FNIP1: variants seen among roughly 807,000 people sequenced by gnomAD.
The protein encoded by FNIP1 is folliculin-interacting protein 1.
In FNIP1, 40 loss-of-function variants were observed where a neutral mutation model predicts 124.5. That is an observed-to-expected ratio of 0.32 (90% CI 0.25 to 0.42). The LOEUF (loss-of-function observed/expected upper bound fraction) is 0.42. Ranked by LOEUF, FNIP1 falls within the 10% of genes least tolerant of loss-of-function variation. FNIP1 has a pLI of 1.00. For missense variants in FNIP1, 1,176 were observed against 1,403.7 expected, an observed-to-expected ratio of 0.84 and a Z score of 2.59; for synonymous variants, 472 against 470.6, an observed-to-expected ratio of 1.00 and a Z score of -0.04.
chr5:131,710,501 CTT>C, intron 7 of FNIP1, 75 bp downstream of exon 7: 2 of 1,379,944 alleles, frequency 1.4e-6, no homozygotes, highest in Non-Finnish European at 1.0e-6. Context: ...CATCTACTCT[CTT>C]GTTTCCACAG....
chr5:131,652,681 C>T (rs1220041387), intron 15 of FNIP1, among the ~76,000 whole-genome samples: 1 of 152,112 alleles, frequency 6.6e-6, no homozygotes, highest in African/African-American at 2.4e-5. Context: ...CAGGACAGGA[C>T]AGATGACATG....
chr5:131,771,320 C>G (rs1771625750), intron 1 of FNIP1, among the ~76,000 whole-genome samples: 1 of 152,182 alleles, frequency 6.6e-6, no homozygotes, highest in East Asian at 1.9e-4. Flanking sequence ...ATTGTATATC[C>G]TTTCCTCCAA....
Position 131,704,222 on chromosome 5 carries a change from G to A in FNIP1, c.959C>T (p.Pro320Leu). 1 of 1,613,452 alleles carries A rather than the reference G, an allele frequency of 6.2e-7. No individual in the cohort carries two copies. The highest frequency in any genetic ancestry group is 1.3e-5 in the African/African-American group (1 of 75,024). Residue 320 changes from proline to leucine, a missense_variant, in exon 10 of 18, where the codon CCT becomes CTT. Pro to Leu is a moderately conservative substitution (Grantham distance 98). Coordinates refer to ENST00000510461, the MANE Select transcript of FNIP1 (RefSeq NM_133372.3). Reference protein sequence around the residue: ...SFNLSDESCGPNPGIVRKKKI... With the variant: ...SFNLSDESCGLNPGIVRKKKI... ...CTTTTTCCGCACAATTCCTGGGTTA[G>A]GGCCACAGCTTTCATCTGAGAGATT...
chr5:131,711,746 T>G (rs894873015), intron 6 of FNIP1, among the ~76,000 whole-genome samples: 8 of 152,194 alleles, frequency 5.3e-5, no homozygotes, highest in African/African-American at 1.9e-4. Context: ...TCCTCCTGCT[T>G]TGGCCTCCTA....
At chr5:131,714,261 T>C (rs1391812741) in intron 6 of FNIP1, among the ~76,000 whole-genome samples, 1 of 152,130 alleles carries the variant, frequency 6.6e-6, no homozygotes, top group Non-Finnish European at 1.5e-5. Context: ...CTGAGACACT[T>C]CCAGTCAACA....
At chr5:131,789,376 CAT>C (rs1283262780) in intron 1 of FNIP1, among the ~76,000 whole-genome samples, 1 of 152,102 alleles carries the variant, frequency 6.6e-6, no homozygotes, top group Admixed American at 6.6e-5. Context: ...ACTTCTGAAA[CAT>C]GATTCTTATA....
chr5:131,754,015 T>A (rs969031068), intron 1 of FNIP1, among the ~76,000 whole-genome samples: 1 of 152,192 alleles, frequency 6.6e-6, no homozygotes. Context: ...GGTTTCACCA[T>A]GTTGGCCAGG....
rs201937963 is a variant in FNIP1, at chr5:131,682,996, C to T, written c.1203-3821G>A. 1.2e-4 allele frequency among the ~76,000 whole-genome samples: 18 copies of T among 152,302 alleles called. No homozygotes were observed. The East Asian group carries it at 3.5e-3, about 29-fold the overall frequency. ...CGTCTTTGTTAGGCAGCAATGTTAA[C>T]TAAACATGCTTCCTGCTTCTCTAGC... On this transcript the variant is annotated intron_variant, in intron 11 of 17. Transcript: ENST00000510461.
intron 3 of FNIP1, among the ~76,000 whole-genome samples, chr5:131,730,507 CAAG>C (rs914402787): frequency 1.3e-5 from 2 of 152,124 alleles, no homozygotes; most frequent in African/African-American, 4.8e-5. Flanking sequence ...CCATATTTTA[CAAG>C]AAGTCACATT....
intron 1 of FNIP1, among the ~76,000 whole-genome samples, chr5:131,770,459 A>G (rs1315198266): frequency 6.6e-6 from 1 of 152,180 alleles, no homozygotes; most frequent in East Asian, 1.9e-4. Context: ...CAAGGGGTGC[A>G]TCTGTGTATG....
At chr5:131,744,205 G>A in intron 2 of FNIP1, among the ~76,000 whole-genome samples, 1 of 151,468 alleles carries the variant, frequency 6.6e-6, no homozygotes, top group Non-Finnish European at 1.5e-5. Context: ...TTCAATAAAT[G>A]TTTGCTGAAA....
At chr5:131,739,298 T>C (rs1458439308) in intron 2 of FNIP1, among the ~76,000 whole-genome samples, 1 of 152,202 alleles carries the variant, frequency 6.6e-6, no homozygotes, top group African/African-American at 2.4e-5. Flanking sequence ...CCCAAGAGTT[T>C]GAGACCAGCC....
intron 3 of FNIP1, among the ~76,000 whole-genome samples, chr5:131,725,418 A>G (rs1291670): frequency 6.6e-6 from 1 of 152,140 alleles, no homozygotes. Flanking sequence ...TCCTTCACAT[A>G]CCTTGTAAGT....
chr5:131,757,002 G>A lies in FNIP1; in HGVS notation c.93-12312C>T, dbSNP rs146362051. Among the ~76,000 whole-genome samples the A allele has an allele frequency of 3.3e-5, 5 of 152,282 alleles. No individual in the cohort carries two copies. The East Asian group carries it at 9.6e-4, about 29-fold the overall frequency. Reference sequence around the variant, plus strand: ...CAATGGATTAAACAGTAGATTTTCTGAGCAGCCACAATGAAAAGGAGCAAG... The same window carrying A: ...CAATGGATTAAACAGTAGATTTTCTAAGCAGCCACAATGAAAAGGAGCAAG... On this transcript the variant is annotated intron_variant, in intron 1 of 17. Coordinates refer to ENST00000510461, the MANE Select transcript of FNIP1 (RefSeq NM_133372.3).
chr5:131,720,491 G>A (rs975626617), intron 3 of FNIP1, among the ~76,000 whole-genome samples: 2 of 152,054 alleles, frequency 1.3e-5, no homozygotes, highest in Non-Finnish European at 2.9e-5. Context: ...AAACAGACAA[G>A]TGGGACTACA....
intron 15 of FNIP1, among the ~76,000 whole-genome samples, chr5:131,657,831 G>C (rs1767253415): frequency 6.7e-6 from 1 of 150,066 alleles, no homozygotes; most frequent in Non-Finnish European, 1.5e-5. Context: ...ACAAGGTCAG[G>C]AGATTGAGAC....
chr5:131,702,824 C>T (rs562140624), intron 10 of FNIP1, among the ~76,000 whole-genome samples: 2 of 152,316 alleles, frequency 1.3e-5, no homozygotes, highest in Admixed American at 1.3e-4. Context: ...CAAAAGAATA[C>T]ACTCTTGTTT....
chr5:131,702,837 TCTC>T (rs1768947512), intron 10 of FNIP1, among the ~76,000 whole-genome samples: 1 of 152,212 alleles, frequency 6.6e-6, no homozygotes, highest in South Asian at 2.1e-4. Flanking sequence ...TCTTGTTTTT[TCTC>T]CTAATTGAAT....
At chr5:131,763,019 G>A (rs1296907531) in intron 1 of FNIP1, among the ~76,000 whole-genome samples, 2 of 152,150 alleles carry the variant, frequency 1.3e-5, no homozygotes, top group Non-Finnish European at 2.9e-5. Context: ...CACAGGCTGA[G>A]AAGGGTAGTG....
Sources: allele counts gnomAD v4.1 joint callset (sites outside exome capture counted in the v4.1 genomes callset), GRCh38; gene constraint gnomAD v4.1.1; transcripts MANE v1.5; gene names NCBI Gene and HGNC (gene_info 2026-07-23, HGNC 2026-07-21).